The following RBKS variants were observed in gnomAD, a reference collection of about 807,000 sequenced individuals.
RBKS encodes the protein ribokinase.
Under a neutral mutation model 33.9 loss-of-function variants are expected in RBKS, and 33 were observed. The observed-to-expected ratio is 0.97, with a 90% confidence interval of 0.74 to 1.30. The LOEUF is 1.30. RBKS is among the 50% of genes most tolerant of loss of function. The pLI is 0.00. For missense variants in RBKS, 361 were observed against 392.6 expected (o/e 0.92, Z 0.68); for synonymous variants, 125 against 143.0 (o/e 0.87, Z 0.90).
At chr2:27,785,829 T>C (rs1322545061) in intron 7 of RBKS, among the ~76,000 whole-genome samples, 1 of 151,970 alleles carries the variant, frequency 6.6e-6, no homozygotes, top group African/African-American at 2.4e-5. Context: ...ATCCTGCTCC[T>C]GGGAATCTCC....
At chr2:27,852,774 G>C (rs763891239) in intron 2 of RBKS, among the ~76,000 whole-genome samples, 21 of 152,152 alleles carry the variant, frequency 1.4e-4, no homozygotes, top group Non-Finnish European at 2.9e-4. Context: ...CAAAGCATTA[G>C]AATACAGAAA....
chr2:27,816,135 T>G (rs1678087189), intron 7 of RBKS, among the ~76,000 whole-genome samples: 1 of 152,226 alleles, frequency 6.6e-6, no homozygotes, highest in African/African-American at 2.4e-5. Context: ...TTCCTCAAAG[T>G]GAAGATGACA....
At chr2:27,807,300 AC>A (rs1431596409) in intron 7 of RBKS, among the ~76,000 whole-genome samples, 2 of 152,246 alleles carry the variant, frequency 1.3e-5, no homozygotes, top group Non-Finnish European at 2.9e-5. Context: ...CATGGAGGTA[AC>A]ACCCACATTA....
intron 2 of RBKS, among the ~76,000 whole-genome samples, chr2:27,849,989 T>G (rs1663706288): frequency 6.6e-6 from 1 of 152,160 alleles, no homozygotes; most frequent in African/African-American, 2.4e-5. Context: ...AGGACACCCT[T>G]GTTATCTTCT....
intron 4 of RBKS, among the ~76,000 whole-genome samples, chr2:27,844,244 T>G (rs868156894): frequency 2.7e-4 from 34 of 124,254 alleles, no homozygotes; most frequent in African/African-American, 6.9e-4. Flanking sequence ...TGGGCAAGAG[T>G]GAGTGAGACT....
intron 1 of RBKS, among the ~76,000 whole-genome samples, chr2:27,877,807 A>G (rs1271144165): frequency 6.6e-6 from 1 of 151,840 alleles, no homozygotes; most frequent in Non-Finnish European, 1.5e-5. Context: ...CCTCTTTTTG[A>G]TTCCCAGCAC....
intron 5 of RBKS, among the ~76,000 whole-genome samples, chr2:27,840,361 C>T (rs1398345749): frequency 2.9e-5 from 4 of 136,156 alleles, no homozygotes; most frequent in Admixed American, 7.2e-5. Flanking sequence ...CACACGCGCG[C>T]GCGCACACAC....
At chr2:27,815,088 T>C (rs539891938) in intron 7 of RBKS, among the ~76,000 whole-genome samples, 2 of 152,288 alleles carry the variant, frequency 1.3e-5, no homozygotes, top group Admixed American at 6.5e-5. Context: ...TTCAGCAAGC[T>C]ATGAACCACA....
chr2:27,802,498 G>A (rs888764209), intron 7 of RBKS, among the ~76,000 whole-genome samples: 8 of 151,702 alleles, frequency 5.3e-5, no homozygotes, highest in African/African-American at 1.7e-4. Flanking sequence ...GAAGAGGGAG[G>A]GTGATTAGGA....
chr2:27,833,470 A>G (rs1678462837), intron 5 of RBKS, among the ~76,000 whole-genome samples: 1 of 152,134 alleles, frequency 6.6e-6, no homozygotes, highest in Non-Finnish European at 1.5e-5. Flanking sequence ...GCTACAAGAG[A>G]AGGATAGATG....
intron 1 of RBKS, among the ~76,000 whole-genome samples, chr2:27,874,270 TACTC>T (rs1664271003): frequency 6.6e-6 from 1 of 152,262 alleles, no homozygotes; most frequent in African/African-American, 2.4e-5. Context: ...CTTTTTATGA[TACTC>T]AGTCCATTCT....
chr2:27,789,977 A>ATATG (rs1677489889), intron 7 of RBKS, among the ~76,000 whole-genome samples: 1 of 131,012 alleles, frequency 7.6e-6, no homozygotes, highest in African/African-American at 3.0e-5. Context: ...ATATATGTAT[A>ATATG]TATATATGTA....
chr2:27,821,726 T>G (rs1678214419), intron 7 of RBKS, among the ~76,000 whole-genome samples: 1 of 152,216 alleles, frequency 6.6e-6, no homozygotes, highest in Non-Finnish European at 1.5e-5. Context: ...GCACTTTGAG[T>G]AGTAGCTGTG....
intron 6 of RBKS, among the ~76,000 whole-genome samples, chr2:27,831,268 C>T (rs1293354214): frequency 6.6e-6 from 1 of 151,976 alleles, no homozygotes; most frequent in African/African-American, 2.4e-5. Context: ...AGGGATACAA[C>T]AGTGAATAAG....
intron 7 of RBKS, among the ~76,000 whole-genome samples, chr2:27,792,928 T>C (rs1677566449): frequency 6.6e-6 from 1 of 152,196 alleles, no homozygotes; most frequent in Admixed American, 6.5e-5. Context: ...ACAATTCCTA[T>C]AAAAGGTCAG....
rs548727676 is a variant in RBKS, at chr2:27,885,010, G to C, written c.89+5247C>G. On this transcript the variant is annotated intron_variant, in intron 1 of 7. Coordinates refer to ENST00000302188, the MANE Select transcript of RBKS (RefSeq NM_022128.3). ...ACTCTGAAATTTATATCTCCGGGTTGGACCTCTCCTTTGAGATCCAAACTC... is the reference window on the plus strand; with the variant it reads ...ACTCTGAAATTTATATCTCCGGGTTCGACCTCTCCTTTGAGATCCAAACTC... Among the ~76,000 whole-genome samples, 62 of 152,060 alleles carry C rather than the reference G, an allele frequency of 4.1e-4. 1 individual carries two copies. In the South Asian group the frequency reaches 0.013, roughly 31 times the overall value.
At chr2:27,860,346 CTA>C (rs1168164293) in intron 1 of RBKS, among the ~76,000 whole-genome samples, 6 of 152,078 alleles carry the variant, frequency 3.9e-5, no homozygotes, top group Non-Finnish European at 8.8e-5. Context: ...GATTGAGTAA[CTA>C]TGTGAATTCT....
At chr2:27,840,928 T>C (rs578069198) in intron 5 of RBKS, among the ~76,000 whole-genome samples, 1 of 152,324 alleles carries the variant, frequency 6.6e-6, no homozygotes, top group East Asian at 1.9e-4. Flanking sequence ...GAAAGTACTT[T>C]ATAAGATGTA....
intron 7 of RBKS, among the ~76,000 whole-genome samples, chr2:27,791,644 T>C (rs969900261): frequency 8.6e-5 from 9 of 104,140 alleles, no homozygotes; most frequent in Admixed American, 5.7e-4. Flanking sequence ...ACACACACAC[T>C]AAATATACAT....
Sources: gnomAD v4.1 joint callset for allele counts (sites outside exome capture counted in the v4.1 genomes callset) on GRCh38, gnomAD v4.1.1 for gene constraint, MANE v1.5 for transcripts, NCBI Gene and HGNC (gene_info 2026-07-23, HGNC 2026-07-21) for gene names.